Variants in EFCAB14 observed in about 807,000 individuals in gnomAD.
The protein encoded by EFCAB14 is EF-hand calcium-binding domain-containing protein 14.
In EFCAB14, 43 loss-of-function variants were observed where a neutral mutation model predicts 56.5. The ratio of observed to expected loss-of-function variants is 0.76; its 90% CI spans 0.60 to 0.98. The LOEUF (loss-of-function observed/expected upper bound fraction) is 0.98. Among genes scored for constraint, EFCAB14 ranks in the 50% least tolerant of loss-of-function variants. The pLI is 0.00. For missense variants in EFCAB14, 538 were observed against 580.3 expected (o/e 0.93, Z 0.75); for synonymous variants, 235 against 212.9 (o/e 1.10, Z -0.90).
intron 2 of EFCAB14, among the ~76,000 whole-genome samples, 158 bp from the exon 3 acceptor site, chr1:46,708,209 G>A (rs142368179): frequency 7.2e-5 from 11 of 152,110 alleles, no homozygotes; most frequent in Admixed American, 2.6e-4. Flanking sequence ...TCACACTAAA[G>A]CTCCCATTTT....
chr1:46,686,964 A>T, intron 7 of EFCAB14, 94 bp from the exon 8 acceptor site: 1 of 1,161,508 alleles, frequency 8.6e-7, no homozygotes, highest in Non-Finnish European at 1.3e-6. Flanking sequence ...AATTCGTCAA[A>T]CTTATTTAAA....
chr1:46,675,486 C>A lies in EFCAB14; in HGVS notation c.*2975G>T. 6.5e-6 allele frequency: 1 copy of A among 152,714 alleles called. No individual in the cohort carries two copies. The highest frequency in any genetic ancestry group is 1.9e-4 in the East Asian group (1 of 5,184). The allele number at this position is 152,714 out of a possible 1,614,324, so 9.5% of individuals were successfully genotyped here. A position where few individuals can be genotyped will look rare whatever the true frequency, so the allele number is the denominator to read the frequency against. ...GTAAGCAAGCCAATGAGGTGTGCAG[C>A]AAACAAAACCTGTCACTAAAAACAA... is the stretch of plus-strand genomic sequence containing the variant. On this transcript the variant is annotated 3_prime_UTR_variant, in exon 11 of 11. Transcript: ENST00000371933.
rs192812261 is a variant in EFCAB14, at chr1:46,686,333, T to G, written c.1074+451A>C. ...GAAATAAATTTTAGATTAGACACCA[T>G]TTTTAGATTATCTCTGCCTCTGTCC... On this transcript the variant is annotated intron_variant, in intron 8 of 10. Coordinates refer to ENST00000371933, the MANE Select transcript of EFCAB14 (RefSeq NM_014774.3). 1.8e-3 allele frequency among the ~76,000 whole-genome samples: 267 copies of G among 152,326 alleles called. 1 individual carries two copies. The highest frequency in any genetic ancestry group is 6.1e-3 in the African/African-American group (254 of 41,566).
In EFCAB14 at chr1:46,688,536, C is replaced by T; in HGVS notation, c.804G>A (p.Leu268=). 6.2e-7 allele frequency: 1 copy of T among 1,612,744 alleles called. No homozygotes were observed. The highest frequency in any genetic ancestry group is 1.1e-5 in the South Asian group (1 of 90,962). The change falls in exon 7 of 11, where the codon CTG becomes CTA. Residue 268 remains leucine (L), a synonymous_variant. Coordinates refer to ENST00000371933, the MANE Select transcript of EFCAB14 (RefSeq NM_014774.3). The stretch of plus-strand genomic sequence containing the variant: ...CCTCCTCTAAAGAGTTGTGAAGGTA[C>T]AGGATATCCTAGAGTGGAAATAAAT... ...THSENLKQDI[L]YLHNSLEEVN...
rs751725089 is a variant in EFCAB14 at position 46,678,652 on chromosome 1, T to C, written c.1313-16A>G. The stretch of plus-strand genomic sequence containing the variant: ...TCCTGAAGATCTGTCAAAAATGAAT[T>C]ACAAAAAATGTATACGTCTAAACAT... On this transcript the variant is annotated splice_polypyrimidine_tract_variant and intron_variant, in intron 10 of 10. Coordinates refer to ENST00000371933, the MANE Select transcript of EFCAB14 (RefSeq NM_014774.3). The C allele has an allele frequency of 2.5e-6, 4 of 1,597,834 alleles. No individual in the cohort carries two copies. Among genetic ancestry groups the C allele is most frequent in the Non-Finnish European group, 3.4e-6 (4 of 1,170,704 alleles).
intron 10 of EFCAB14, among the ~76,000 whole-genome samples, chr1:46,679,583 G>A (rs1257777218): frequency 1.6e-5 from 2 of 122,922 alleles, no homozygotes; most frequent in Admixed American, 1.0e-4. Context: ...GATTATAGGC[G>A]TGAACCACCA....
intron 1 of EFCAB14, among the ~76,000 whole-genome samples, chr1:46,717,478 T>C (rs1016580629): frequency 2.6e-5 from 4 of 152,174 alleles, no homozygotes; most frequent in Non-Finnish European, 4.4e-5. Flanking sequence ...TCTCTCACCA[T>C]ATTTCCCCAC....
chr1:46,690,143 A>G (rs530301854), intron 5 of EFCAB14, among the ~76,000 whole-genome samples: 34 of 152,346 alleles, frequency 2.2e-4, no homozygotes, highest in Admixed American at 2.0e-3. Context: ...GGCATTTAGC[A>G]TAACCACCAA....
chr1:46,715,629 G>A (rs1253146316), intron 2 of EFCAB14, among the ~76,000 whole-genome samples: 2 of 151,820 alleles, frequency 1.3e-5, no homozygotes, highest in Admixed American at 6.6e-5. Context: ...CTTTATGCTT[G>A]GGGAGATGCA....
intron 10 of EFCAB14, 99 bp downstream of exon 10, chr1:46,683,201 T>C: frequency 7.2e-7 from 1 of 1,383,834 alleles, no homozygotes; most frequent in East Asian, 2.3e-5. Context: ...ATCTCCTCAA[T>C]AAATGTTAGA....
chr1:46,697,878 G>A (rs1677099961), intron 3 of EFCAB14, among the ~76,000 whole-genome samples: 1 of 136,814 alleles, frequency 7.3e-6, no homozygotes, highest in Admixed American at 7.7e-5. Context: ...TTTTGAGACA[G>A]TCTTGCTCTG....
chr1:46,718,388 A>C lies in EFCAB14; in HGVS notation c.-301T>G. On this transcript the variant is annotated 5_prime_UTR_variant, in exon 1 of 11. Transcript: ENST00000371933. ...TAGTAGAGGGTGGAGAGGGACCTTT[A>C]TCTCCCAAAGGGCGAAAAAAAAGCC... is the stretch of plus-strand genomic sequence containing the variant. 4.1e-6 allele frequency: 1 copy of C among 242,074 alleles called. No individual in the cohort carries two copies. Among genetic ancestry groups the C allele is most frequent in the Non-Finnish European group, 8.0e-6 (1 of 125,052 alleles). The allele number at this position is 242,074 out of a possible 1,614,324, so 15.0% of individuals were successfully genotyped here.
rs1677396175 is a variant in EFCAB14, at chr1:46,716,461, T to A, written c.186-18A>T. 1 of 1,613,324 alleles carries A rather than the reference T, an allele frequency of 6.2e-7. No individual in the cohort carries two copies. The highest frequency in any genetic ancestry group is 8.5e-7 in the Non-Finnish European group (1 of 1,179,738). ...AGTCTCCCCTGCTCAAGAGGACAAA[T>A]TCAACCATGAGTACAAAAGTGATTA... is the stretch of plus-strand genomic sequence containing the variant. On this transcript the variant is annotated intron_variant, in intron 1 of 10. Transcript: ENST00000371933.
intron 3 of EFCAB14, 118 bp from the exon 4 acceptor site, chr1:46,696,767 CA>C (rs1677083507): frequency 1.1e-6 from 1 of 877,004 alleles, no homozygotes; most frequent in Non-Finnish European, 1.8e-6. Flanking sequence ...TGTGTTTCTG[CA>C]ACCCTGTCAG....
intron 3 of EFCAB14, among the ~76,000 whole-genome samples, chr1:46,698,776 G>A (rs1300780062): frequency 6.6e-6 from 1 of 152,184 alleles, no homozygotes; most frequent in Non-Finnish European, 1.5e-5. Context: ...GCAGTAAAGT[G>A]CCAGAACAGA....
chr1:46,703,564 A>G (rs999232033), intron 3 of EFCAB14, among the ~76,000 whole-genome samples: 2 of 152,208 alleles, frequency 1.3e-5, no homozygotes, highest in Non-Finnish European at 2.9e-5. Flanking sequence ...CCTATCTAAC[A>G]CATGTATTTT....
At chr1:46,692,864 G>C (rs1677020797) in intron 4 of EFCAB14, among the ~76,000 whole-genome samples, 1 of 152,098 alleles carries the variant, frequency 6.6e-6, no homozygotes, top group African/African-American at 2.4e-5. Context: ...TTTTCCTAGA[G>C]GAAAACCAAA....
rs755207611 is a variant in EFCAB14 at position 46,689,815 on chromosome 1, T to C, written c.691-124A>G. 6 of 827,048 alleles carry C rather than the reference T, an allele frequency of 7.3e-6. No individual in the cohort carries two copies. In the East Asian group the frequency reaches 1.3e-4, roughly 18 times the overall value. The allele number at this position is 827,048 out of a possible 1,614,324, so 51.2% of individuals were successfully genotyped here. ...GCATCCACAGATTAATCAGTAAGTA[T>C]TGCCAGGGAATGTACAGGCTAACCA... On this transcript the variant is annotated intron_variant, in intron 5 of 10. Transcript: ENST00000371933.
intron 3 of EFCAB14, among the ~76,000 whole-genome samples, 161 bp from the exon 4 acceptor site, chr1:46,696,810 T>C (rs186840710): frequency 3.3e-5 from 5 of 152,332 alleles, no homozygotes; most frequent in Admixed American, 2.0e-4. Flanking sequence ...GTACTTTGGA[T>C]AGAGTTGGGA....
Sources: gnomAD v4.1 joint callset for allele counts (sites outside exome capture counted in the v4.1 genomes callset) on GRCh38, gnomAD v4.1.1 for gene constraint, MANE v1.5 for transcripts, NCBI Gene and HGNC (gene_info 2026-07-23, HGNC 2026-07-21) for gene names.